Variants in TTC21B observed in about 807,000 individuals in gnomAD.
The protein encoded by TTC21B is tetratricopeptide repeat protein 21B.
Under a neutral mutation model 175.1 loss-of-function variants are expected in TTC21B, and 127 were observed. That is an observed-to-expected ratio of 0.73 (90% confidence interval 0.63 to 0.84). TTC21B has a LOEUF of 0.84. TTC21B is among the 40% of genes least tolerant of loss of function. The pLI is 0.00. For synonymous variants in TTC21B, 524 were observed against 524.5 expected, an observed-to-expected ratio of 1.00 and a Z score of 0.01; for missense variants, 1,561 against 1,558.3, an observed-to-expected ratio of 1.00 and a Z score of -0.03.
Position 165,917,253 on chromosome 2 carries a change from C to T in TTC21B, c.1899+4G>A, listed in dbSNP as rs1263217703. ...CCGAGCCCTTAAATTAAAACTTGACCTACCTGCTCTCCATTTAAGCGGTGA... is the reference window on the plus strand; with the variant it reads ...CCGAGCCCTTAAATTAAAACTTGACTTACCTGCTCTCCATTTAAGCGGTGA... On this transcript the variant is annotated splice_donor_region_variant and intron_variant, in intron 14 of 28. Coordinates refer to ENST00000243344, the MANE Select transcript of TTC21B (RefSeq NM_024753.5). 5 of 1,613,352 alleles carry T rather than the reference C, an allele frequency of 3.1e-6. No homozygotes were observed. The Admixed American group carries it at 5.0e-5, about 16-fold the overall frequency.
At chr2:165,913,528 C>A (rs746113293) in intron 16 of TTC21B, 46 bp downstream of exon 16, 2 of 1,328,308 alleles carry the variant, frequency 1.5e-6, no homozygotes, top group Non-Finnish European at 1.1e-6. Flanking sequence ...GTACTCATCA[C>A]AAATAATTTT....
intron 22 of TTC21B, among the ~76,000 whole-genome samples, chr2:165,892,625 A>G (rs1166172548): frequency 6.6e-6 from 1 of 152,216 alleles, no homozygotes; most frequent in African/African-American, 2.4e-5. Flanking sequence ...ACACAAAAGG[A>G]AAAATGCTGT....
rs1350383395 is a variant in TTC21B at position 165,911,395 on chromosome 2, A to T, written c.2393T>A (p.Leu798His). 1 of 1,613,928 alleles carries T rather than the reference A, an allele frequency of 6.2e-7. No individual in the cohort carries two copies. Among genetic ancestry groups the T allele is most frequent in the East Asian group, 2.2e-5 (1 of 44,802 alleles). The change falls in exon 18 of 29, where the codon CTC (leucine) becomes CAC (histidine). Residue 798 changes from leucine to histidine, a missense_variant. Transcript: ENST00000243344. Reference protein sequence around the residue: ...KNYLCYDLAELLLKLKWYDKA... With the variant: ...KNYLCYDLAEHLLKLKWYDKA... ...GTCATACCATTTCAATTTTAATAAG[A>T]GCTCAGCCAGGTCATAGCAAAGATA...
intron 11 of TTC21B, among the ~76,000 whole-genome samples, chr2:165,926,005 G>A (rs566990741): frequency 1.3e-5 from 2 of 152,244 alleles, no homozygotes; most frequent in South Asian, 2.1e-4. Flanking sequence ...AAATAGTTAT[G>A]CAGACAATCT....
Position 165,924,660 on chromosome 2 carries a change from G to C in TTC21B, c.1405C>G (p.Pro469Ala). ...CPMQPASPGQ[P>A]LCPLLRRCIS... ...CAACGCCTGAGAAGTGGACAAAGAGGTTGCCCAGGACTTGCAGGCTAAACA... is the reference window on the plus strand; with the variant it reads ...CAACGCCTGAGAAGTGGACAAAGAGCTTGCCCAGGACTTGCAGGCTAAACA... The change falls in exon 12 of 29, where the codon CCT becomes GCT. Residue 469 changes from proline (P) to alanine (A), a missense_variant. Physicochemically the swap from Pro to Ala is conservative, Grantham distance 27 (BLOSUM62 -1). Coordinates refer to ENST00000243344, the MANE Select transcript of TTC21B (RefSeq NM_024753.5). The C allele has an allele frequency of 6.2e-7, 1 of 1,613,628 alleles. No individual in the cohort carries two copies. Among genetic ancestry groups the C allele is most frequent in the Non-Finnish European group, 8.5e-7 (1 of 1,179,730 alleles).
chr2:165,915,296 T>C lies in TTC21B; in HGVS notation c.2043A>G (p.Thr681=). The change falls in exon 15 of 29, where the codon ACA becomes ACG. Residue 681 remains threonine (T), a synonymous_variant. Transcript: ENST00000243344. The part of the protein sequence containing the change: ...ERALSILQNV[T]AEQPYFIEAR... ...CCTCTATAAAATAAGGCTGTTCGGCTGTAACATTCTGAAGGATGCTTAAAG... is the reference window on the plus strand; with the variant it reads ...CCTCTATAAAATAAGGCTGTTCGGCCGTAACATTCTGAAGGATGCTTAAAG... 1 of 1,614,152 alleles carries C rather than the reference T, an allele frequency of 6.2e-7. No homozygotes were observed. The highest frequency in any genetic ancestry group is 8.5e-7 in the Non-Finnish European group (1 of 1,179,994).
intron 22 of TTC21B, among the ~76,000 whole-genome samples, chr2:165,892,769 C>T (rs1021028723): frequency 5.3e-5 from 8 of 152,118 alleles, no homozygotes; most frequent in African/African-American, 1.7e-4. Flanking sequence ...ATGGCAAAAA[C>T]GCAAAACGTT....
intron 18 of TTC21B, among the ~76,000 whole-genome samples, chr2:165,908,806 C>A (rs1280022155): frequency 3.9e-5 from 6 of 152,192 alleles, no homozygotes; most frequent in Middle Eastern, 3.4e-3. Flanking sequence ...TTGAATCTCT[C>A]TCCCCCTACA....
chr2:165,927,093 GATAT>G (rs1189801816), intron 11 of TTC21B, among the ~76,000 whole-genome samples: 3 of 8,944 alleles, frequency 3.4e-4, no homozygotes, highest in Non-Finnish European at 5.6e-4. Flanking sequence ...TATCCTAGTA[GATAT>G]ATATATATAT....
intron 19 of TTC21B, among the ~76,000 whole-genome samples, chr2:165,907,295 G>A (rs1685772396): frequency 6.6e-6 from 1 of 151,304 alleles, no homozygotes; most frequent in Non-Finnish European, 1.5e-5. Flanking sequence ...CAACCACTTG[G>A]GAACATACCT....
chr2:165,892,253 C>A (rs922550904), intron 22 of TTC21B, among the ~76,000 whole-genome samples: 2 of 152,080 alleles, frequency 1.3e-5, no homozygotes, highest in African/African-American at 4.8e-5. Context: ...TGAATTTCTA[C>A]AATTAAAACA....
At chr2:165,947,236 T>C (rs1220432539) in intron 3 of TTC21B, 1 of 135,976 alleles carries the variant, frequency 7.4e-6, no homozygotes, top group Non-Finnish European at 1.5e-5. Flanking sequence ...ACCCAAACCC[T>C]GGATGGAATC....
rs755446804 is a variant in TTC21B, at chr2:165,911,314, A to G, written c.2461+13T>C. ...GTTATCAGACTTTTTTCAAACCAGA[A>G]AGACTTTCATACCAGGTTCATGAGC... On this transcript the variant is annotated intron_variant, in intron 18 of 28. Transcript: ENST00000243344. The G allele has an allele frequency of 6.2e-7, 1 of 1,613,730 alleles. No individual in the cohort carries two copies. Among genetic ancestry groups the G allele is most frequent in the Non-Finnish European group, 8.5e-7 (1 of 1,179,810 alleles).
chr2:165,919,196 G>A (rs1473625314), intron 13 of TTC21B, 80 bp downstream of exon 13: 17 of 1,539,550 alleles, frequency 1.1e-5, no homozygotes, highest in Non-Finnish European at 1.5e-5. Context: ...AAATACTACA[G>A]GCTAAAACAC....
chr2:165,882,780 G>A (rs1426174940), intron 26 of TTC21B, among the ~76,000 whole-genome samples: 4 of 152,112 alleles, frequency 2.6e-5, no homozygotes, highest in African/African-American at 4.8e-5. Flanking sequence ...TGTTATCAGC[G>A]TTCTGGCAAA....
chr2:165,884,335 T>A (rs1684938164), intron 25 of TTC21B, among the ~76,000 whole-genome samples: 1 of 152,224 alleles, frequency 6.6e-6, no homozygotes, highest in East Asian at 1.9e-4. Flanking sequence ...TAGTTTTGTA[T>A]AGAAACAGAA....
chr2:165,901,995 T>C, intron 19 of TTC21B, 85 bp from the exon 20 acceptor site: 1 of 1,199,678 alleles, frequency 8.3e-7, no homozygotes, highest in South Asian at 1.3e-5. Flanking sequence ...ATTTTACAGA[T>C]TTATTTAAAC....
At chr2:165,894,129 G>A (rs714705) in intron 22 of TTC21B, among the ~76,000 whole-genome samples, 2,741 of 152,218 alleles carry the variant, frequency 0.018, 119 homozygotes, top group Admixed American at 0.099. Context: ...GTCTTCATTA[G>A]AGCAGTGGGT....
At chr2:165,920,323 T>C (rs1471813823) in intron 12 of TTC21B, among the ~76,000 whole-genome samples, 1 of 152,136 alleles carries the variant, frequency 6.6e-6, no homozygotes, top group Non-Finnish European at 1.5e-5. Flanking sequence ...AGGCTTAACT[T>C]ACTGGTAACA....
Sources: allele counts gnomAD v4.1 joint callset (sites outside exome capture counted in the v4.1 genomes callset), GRCh38; gene constraint gnomAD v4.1.1; transcripts MANE v1.5; gene names NCBI Gene and HGNC (gene_info 2026-07-23, HGNC 2026-07-21).